EGFR: variants seen among roughly 807,000 people sequenced by gnomAD.
EGFR encodes the protein avian erythroblastic leukemia viral (v-erb-b) oncogene homolog.
In EGFR, 58 loss-of-function variants were observed where a neutral mutation model predicts 143.0. The ratio of observed to expected loss-of-function variants is 0.41; its 90% CI spans 0.33 to 0.50. The LOEUF is 0.50. Ranked by LOEUF, EGFR falls within the 20% of genes least tolerant of loss-of-function variation. EGFR has a pLI of 0.39. For missense variants in EGFR, 1,307 were observed against 1,579.0 expected, an observed-to-expected ratio of 0.83 and a Z score of 2.92; for synonymous variants, 613 against 594.4, an observed-to-expected ratio of 1.03 and a Z score of -0.45.
In EGFR at chr7:55,173,916, C is replaced by T. The variant is rs1452602910; in HGVS notation, c.2062-5C>T. ...CCCTTGTCTCTGTGTTCTTGTCCCC[C>T]CCAGCTTGTGGAGCCTCTTACACCC... On this transcript the variant is annotated splice_region_variant and splice_polypyrimidine_tract_variant and intron_variant, in intron 17 of 27. Coordinates refer to ENST00000275493, the MANE Select transcript of EGFR (RefSeq NM_005228.5). 3 of 1,614,258 alleles carry T rather than the reference C, an allele frequency of 1.9e-6. No homozygotes were observed. Among genetic ancestry groups the T allele is most frequent in the Non-Finnish European group, 2.5e-6 (3 of 1,180,048 alleles).
chr7:55,070,179 C>T (rs1789737809), intron 1 of EGFR, among the ~76,000 whole-genome samples: 1 of 152,200 alleles, frequency 6.6e-6, no homozygotes, highest in African/African-American at 2.4e-5. Flanking sequence ...TCCCAGGCTG[C>T]ATCTAAGAAA....
intron 1 of EGFR, among the ~76,000 whole-genome samples, chr7:55,066,171 T>C (rs966240384): frequency 2.6e-4 from 39 of 152,262 alleles, no homozygotes; most frequent in Admixed American, 5.9e-4. Context: ...AAAGCCTCTT[T>C]CCCTGTCAGC....
chr7:55,210,028 A>G lies in EGFR; in HGVS notation c.*4411A>G, dbSNP rs1562813933. 1 of 152,178 alleles carries G rather than the reference A, an allele frequency of 6.6e-6. No individual in the cohort carries two copies. The highest frequency in any genetic ancestry group is 2.1e-4 in the South Asian group (1 of 4,822). 9.4% of individuals were successfully genotyped at this position (152,178 alleles called of 1,614,324 possible). A position where few individuals can be genotyped will look rare whatever the true frequency, so the allele number is the denominator to read the frequency against. Reference sequence around the variant, plus strand: ...ATCGTTTTTATATTTAGGAAATTTTAAAAGATGATGGAAAGCACATTTAGC... The same window carrying G: ...ATCGTTTTTATATTTAGGAAATTTTGAAAGATGATGGAAAGCACATTTAGC... On this transcript the variant is annotated 3_prime_UTR_variant, in exon 28 of 28. Transcript: ENST00000275493.
chr7:55,129,844 G>A (rs1374277999), intron 1 of EGFR, among the ~76,000 whole-genome samples: 6 of 152,152 alleles, frequency 3.9e-5, no homozygotes, highest in Non-Finnish European at 7.4e-5. Flanking sequence ...GAAAGTATAG[G>A]ATGAAAGGGC....
At chr7:55,049,603 G>A (rs1788368437) in intron 1 of EGFR, among the ~76,000 whole-genome samples, 2 of 152,018 alleles carry the variant, frequency 1.3e-5, no homozygotes, top group Non-Finnish European at 2.9e-5. Flanking sequence ...TCCCACTGCA[G>A]ACCCTCTCCT....
intron 4 of EGFR, among the ~76,000 whole-genome samples, chr7:55,150,732 C>A (rs943405300): frequency 2.6e-5 from 4 of 152,212 alleles, no homozygotes; most frequent in African/African-American, 9.6e-5. Flanking sequence ...CAAAAATTGA[C>A]CAGATAGCTA....
intron 1 of EGFR, among the ~76,000 whole-genome samples, chr7:55,131,137 A>G (rs1010839498): frequency 2.0e-5 from 3 of 152,146 alleles, no homozygotes; most frequent in Non-Finnish European, 4.4e-5. Flanking sequence ...CAGACCCAAC[A>G]TGATTAAGAT....
chr7:55,171,505 C>T (rs1173705833), intron 16 of EGFR, among the ~76,000 whole-genome samples: 1 of 152,252 alleles, frequency 6.6e-6, no homozygotes, highest in African/African-American at 2.4e-5. Flanking sequence ...CTTGGTTCCA[C>T]TGGTTTTGCT....
intron 4 of EGFR, among the ~76,000 whole-genome samples, chr7:55,146,957 G>A (rs937954577): frequency 5.9e-5 from 9 of 152,122 alleles, no homozygotes; most frequent in Non-Finnish European, 1.2e-4. Flanking sequence ...TGGCAGTGCA[G>A]GCCACCGGAG....
At position 55,183,140 on chromosome 7, in the gene EGFR, C is replaced by T. The variant is rs924798516; in HGVS notation, c.2469+1662C>T. 1.1e-4 allele frequency among the ~76,000 whole-genome samples: 17 copies of T among 152,276 alleles called. No individual in the cohort carries two copies. In the East Asian group the frequency reaches 3.3e-3, roughly 29 times the overall value. On this transcript the variant is annotated intron_variant, in intron 20 of 27. Coordinates refer to ENST00000275493, the MANE Select transcript of EGFR (RefSeq NM_005228.5). ...GGCTGCACCTCCCCATGTCAACCTC[C>T]GTCTTCACAAGGCCTTTTCCTGTGT...
intron 1 of EGFR, among the ~76,000 whole-genome samples, chr7:55,082,850 C>T (rs914767759): frequency 2.6e-5 from 4 of 152,232 alleles, no homozygotes; most frequent in African/African-American, 9.6e-5. Flanking sequence ...GAGTCTCTCT[C>T]TCTGAAACCT....
chr7:55,080,646 C>T (rs1022257420), intron 1 of EGFR, among the ~76,000 whole-genome samples: 10 of 152,040 alleles, frequency 6.6e-5, no homozygotes, highest in Middle Eastern at 6.8e-3. Flanking sequence ...TAGTTAGTGA[C>T]AATGTATTGT....
intron 17 of EGFR, among the ~76,000 whole-genome samples, 197 bp from the exon 18 acceptor site, chr7:55,173,724 T>C (rs1440655183): frequency 6.6e-6 from 1 of 152,256 alleles, no homozygotes; most frequent in African/African-American, 2.4e-5. Context: ...TATCAGAGCC[T>C]GTGTTTCTAC....
rs1373875037 is a variant in EGFR, at chr7:55,109,975, G to A, written c.89-32311G>A. The A allele has an allele frequency of 4.1e-6, 4 of 984,004 alleles. No homozygotes were observed. In the African/African-American group the frequency reaches 5.2e-5, roughly 13 times the overall value. 61.0% of individuals were successfully genotyped at this position (984,004 alleles called of 1,614,324 possible). On this transcript the variant is annotated intron_variant, in intron 1 of 27. Transcript: ENST00000275493. ...GATAACCAAGTAAGAAAGTACATGA[G>A]GAGGCACAGAAAGAAAAATGTGAGA...
chr7:55,046,795 C>G (rs1454280124), intron 1 of EGFR, among the ~76,000 whole-genome samples: 1 of 152,158 alleles, frequency 6.6e-6, no homozygotes, highest in Non-Finnish European at 1.5e-5. Context: ...GGCCCCACCT[C>G]CCAATGCTGT....
In EGFR at chr7:55,206,629, G is replaced by A. The variant is rs17337549; in HGVS notation, c.*1012G>A. On this transcript the variant is annotated 3_prime_UTR_variant, in exon 28 of 28. Transcript: ENST00000275493. The stretch of plus-strand genomic sequence containing the variant: ...ATCAGAAGACTACAAAAATGAAGCT[G>A]CTCTGAAATCTCCTTTAGCCATCAC... The A allele has an allele frequency of 8.3e-4, 194 of 233,270 alleles. 2 individuals carry two copies. Among genetic ancestry groups the A allele is most frequent in the African/African-American group, 4.1e-3 (186 of 45,448 alleles). 14.5% of individuals were successfully genotyped at this position (233,270 alleles called of 1,614,324 possible). A position where few individuals can be genotyped will look rare whatever the true frequency, so the allele number is the denominator to read the frequency against.
chr7:55,024,813 A>G (rs183007270), intron 1 of EGFR, among the ~76,000 whole-genome samples: 1 of 152,336 alleles, frequency 6.6e-6, no homozygotes, highest in Non-Finnish European at 1.5e-5. Flanking sequence ...AAAGAGAGCT[A>G]GAGATAATAA....
At chr7:55,028,025 T>TATAC (rs869080650) in intron 1 of EGFR, among the ~76,000 whole-genome samples, 33 of 101,606 alleles carry the variant, frequency 3.2e-4, no homozygotes, top group East Asian at 9.1e-4. Flanking sequence ...TATATATATA[T>TATAC]ACACACACAC....
chr7:55,160,263 A>G lies in EGFR; in HGVS notation c.1423A>G (p.Ile475Val), dbSNP rs1221992080. 2 of 1,614,012 alleles carry G rather than the reference A, an allele frequency of 1.2e-6. No homozygotes were observed. Among genetic ancestry groups the G allele is most frequent in the Non-Finnish European group, 1.7e-6 (2 of 1,180,022 alleles). The part of the protein sequence containing the change: ...GNKNLCYANT[I>V]NWKKLFGTSG... ...CAAAAATTTGTGCTATGCAAATACA[A>G]TAAACTGGAAAAAACTGTTTGGGAC... Residue 475 changes from isoleucine to valine, a missense_variant, in exon 12 of 28, where the codon ATA (isoleucine) becomes GTA (valine). Coordinates refer to ENST00000275493, the MANE Select transcript of EGFR (RefSeq NM_005228.5).
Sources: allele counts gnomAD v4.1 joint callset (sites outside exome capture counted in the v4.1 genomes callset), GRCh38; gene constraint gnomAD v4.1.1; transcripts MANE v1.5; gene names NCBI Gene and HGNC (gene_info 2026-07-23, HGNC 2026-07-21).